CCR2: variants seen among roughly 807,000 people sequenced by gnomAD.
CCR2 encodes C-C motif chemokine receptor 2.
For synonymous variants in CCR2, 183 were observed against 177.1 expected (o/e 1.03, Z -0.27); for missense variants, 408 against 440.0 (o/e 0.93, Z 0.65).
In CCR2 at chr3:46,358,242, C is replaced by T. The variant is rs1701492408; in HGVS notation, c.715C>T (p.His239Tyr). Residue 239 changes from histidine (H) to tyrosine (Y), a missense_variant, in exon 2 of 2, where the codon CAT becomes TAT. Transcript: ENST00000445132. ...LLRCRNEKKR[H>Y]RAVRVIFTIM... is the part of the protein sequence containing the mutation. Reference sequence around the variant, plus strand: ...TCGGTGTCGAAACGAGAAGAAGAGGCATAGGGCAGTGAGAGTCATCTTCAC... The same window carrying T: ...TCGGTGTCGAAACGAGAAGAAGAGGTATAGGGCAGTGAGAGTCATCTTCAC... 1 of 1,614,164 alleles carries T rather than the reference C, an allele frequency of 6.2e-7. No individual in the cohort carries two copies. Among genetic ancestry groups the T allele is most frequent in the African/African-American group, 1.3e-5 (1 of 75,044 alleles).
chr3:46,356,370 G>A (rs1484169287), intron 1 of CCR2, among the ~76,000 whole-genome samples: 1 of 152,158 alleles, frequency 6.6e-6, no homozygotes, highest in Non-Finnish European at 1.5e-5. Flanking sequence ...TGGGCACGGG[G>A]AGGAGATGCC....
chr3:46,358,978 A>C lies in CCR2; in HGVS notation c.*368A>C, dbSNP rs1701503157. ...GTGAAGAAGAGAATGTGACAGGCAC[A>C]GATGAATGGGAGTGAGGGATAGTGG... On this transcript the variant is annotated 3_prime_UTR_variant, in exon 2 of 2. Transcript: ENST00000445132. The C allele has an allele frequency of 9.4e-7, 1 of 1,063,564 alleles. No individual in the cohort carries two copies. The highest frequency in any genetic ancestry group is 1.7e-5 in the African/African-American group (1 of 58,790). The allele number at this position is 1,063,564 out of a possible 1,614,324, so 65.9% of individuals were successfully genotyped here. A position where few individuals can be genotyped will look rare whatever the true frequency, so the allele number is the denominator to read the frequency against.
At chr3:46,356,411 C>G (rs1358868668) in intron 1 of CCR2, among the ~76,000 whole-genome samples, 1 of 152,128 alleles carries the variant, frequency 6.6e-6, no homozygotes, top group East Asian at 1.9e-4. Context: ...AGCGGTAGCA[C>G]AGCCCCTCCC....
Position 46,359,933 on chromosome 3 carries a change from TC to T in CCR2, c.*1324del. 6.9e-7 allele frequency: 1 copy of T among 1,440,072 alleles called. No individual in the cohort carries two copies. The highest frequency in any genetic ancestry group is 9.6e-7 in the Non-Finnish European group (1 of 1,045,124). 89.2% of individuals were successfully genotyped at this position (1,440,072 alleles called of 1,614,324 possible). Reference sequence around the variant, plus strand: ...ACAGATGTGTGATTCACAGTGTGAATCTTGGTGTCTACGTTACCAGGCAGGA... The same window carrying T: ...ACAGATGTGTGATTCACAGTGTGAATTTGGTGTCTACGTTACCAGGCAGGA... On this transcript the variant is annotated 3_prime_UTR_variant, in exon 2 of 2. Transcript: ENST00000445132.
Position 46,357,604 on chromosome 3 carries a change from A to G in CCR2, c.77A>G (p.Tyr26Cys). ...SGEEVTTFFDYDYGAPCHKFD... is the reference protein window; with the variant it reads ...SGEEVTTFFDCDYGAPCHKFD... The stretch of plus-strand genomic sequence containing the variant: ...GAAGAAGTCACCACCTTTTTTGATT[A>G]TGATTACGGTGCTCCCTGTCATAAA... Residue 26 changes from tyrosine to cysteine, a missense_variant, in exon 2 of 2, where the codon TAT becomes TGT. Transcript: ENST00000445132. 2.5e-6 allele frequency: 4 copies of G among 1,614,070 alleles called. No homozygotes were observed. Among genetic ancestry groups the G allele is most frequent in the Non-Finnish European group, 2.5e-6 (3 of 1,179,996 alleles).
In CCR2 at chr3:46,357,635, C is replaced by A. The variant is rs778812407; in HGVS notation, c.108C>A (p.Asp36Glu). The change falls in exon 2 of 2, where the codon GAC becomes GAA. Residue 36 changes from aspartate to glutamate, a missense_variant. Asp to Glu is a conservative substitution (Grantham distance 45, BLOSUM62 2). Transcript: ENST00000445132. ...YDYGAPCHKF[D>E]VKQIGAQLLP... ...ACGGTGCTCCCTGTCATAAATTTGA[C>A]GTGAAGCAAATTGGGGCCCAACTCC... The A allele has an allele frequency of 6.2e-7, 1 of 1,613,920 alleles. No homozygotes were observed. The highest frequency in any genetic ancestry group is 8.5e-7 in the Non-Finnish European group (1 of 1,179,986).
Position 46,359,978 on chromosome 3 carries a change from C to A in CCR2, c.*1368C>A, listed in dbSNP as rs1701523210. On this transcript the variant is annotated 3_prime_UTR_variant, in exon 2 of 2. Transcript: ENST00000445132. ...GGCAGGAAGGCTGAGAGGAGAGAGACTCCAGCTGGGTTGGAAAACAGTATT... is the reference window on the plus strand; with the variant it reads ...GGCAGGAAGGCTGAGAGGAGAGAGAATCCAGCTGGGTTGGAAAACAGTATT... 1.0e-6 allele frequency: 1 copy of A among 960,894 alleles called. No homozygotes were observed. Among genetic ancestry groups the A allele is most frequent in the Non-Finnish European group, 1.5e-6 (1 of 648,404 alleles). The allele number at this position is 960,894 out of a possible 1,614,324, so 59.5% of individuals were successfully genotyped here.
rs1048117503 is a variant in CCR2, at chr3:46,358,802, T to G, written c.*192T>G. 2.3e-5 allele frequency: 32 copies of G among 1,381,974 alleles called. No individual in the cohort carries two copies. The highest frequency in any genetic ancestry group is 2.9e-5 in the Non-Finnish European group (31 of 1,062,652). 85.6% of individuals were successfully genotyped at this position (1,381,974 alleles called of 1,614,324 possible). On this transcript the variant is annotated 3_prime_UTR_variant, in exon 2 of 2. Transcript: ENST00000445132. ...TGCTCAGGGAATAATCCAGAAAAAC[T>G]GTGGGTAGAGACTTTGACTCTCCAG...
Position 46,359,931 on chromosome 3 carries a change from A to T in CCR2, c.*1321A>T, listed in dbSNP as rs1460865880. ...TCACAGATGTGTGATTCACAGTGTG[A>T]ATCTTGGTGTCTACGTTACCAGGCA... On this transcript the variant is annotated 3_prime_UTR_variant, in exon 2 of 2. Transcript: ENST00000445132. 6.9e-7 allele frequency: 1 copy of T among 1,447,918 alleles called. No homozygotes were observed. The highest frequency in any genetic ancestry group is 9.5e-7 in the Non-Finnish European group (1 of 1,051,664). 89.7% of individuals were successfully genotyped at this position (1,447,918 alleles called of 1,614,324 possible).
In CCR2 at chr3:46,360,364, C is replaced by T. The variant is rs1446703301; in HGVS notation, c.*1754C>T. 6.5e-6 allele frequency: 1 copy of T among 153,624 alleles called. No individual in the cohort carries two copies. The highest frequency in any genetic ancestry group is 1.4e-5 in the Non-Finnish European group (1 of 69,074). The allele number at this position is 153,624 out of a possible 1,614,324, so 9.5% of individuals were successfully genotyped here. On this transcript the variant is annotated 3_prime_UTR_variant, in exon 2 of 2. Transcript: ENST00000445132. ...ATACGCTCCATCGCTGTCATCTCAG[C>T]TGGATCTCCATTCTCTCAGGCTTGC... is the stretch of plus-strand genomic sequence containing the variant.
Position 46,359,776 on chromosome 3 carries a change from A to G in CCR2, c.*1166A>G. On this transcript the variant is annotated 3_prime_UTR_variant, in exon 2 of 2. Transcript: ENST00000445132. ...CAGGAAAGAATGTGAAAGTGACTAC[A>G]CAAGGACTCCTCGATGGTCGTGGAA... The G allele has an allele frequency of 4.3e-6, 7 of 1,614,150 alleles. No homozygotes were observed. Among genetic ancestry groups the G allele is most frequent in the Non-Finnish European group, 5.9e-6 (7 of 1,180,008 alleles).
Position 46,357,608 on chromosome 3 carries a change from T to C in CCR2, c.81T>C (p.Asp27=). The change falls in exon 2 of 2, where the codon GAT becomes GAC. Residue 27 remains aspartate (D), a synonymous_variant. Coordinates refer to ENST00000445132, the MANE Select transcript of CCR2 (RefSeq NM_001123396.4). Reference sequence around the variant, plus strand: ...AAGTCACCACCTTTTTTGATTATGATTACGGTGCTCCCTGTCATAAATTTG... The same window carrying C: ...AAGTCACCACCTTTTTTGATTATGACTACGGTGCTCCCTGTCATAAATTTG... The part of the protein sequence containing the change: ...GEEVTTFFDY[D]YGAPCHKFDV... 6.2e-7 allele frequency: 1 copy of C among 1,614,104 alleles called. No individual in the cohort carries two copies. The highest frequency in any genetic ancestry group is 8.5e-7 in the Non-Finnish European group (1 of 1,179,988).
rs775750288 is a variant in CCR2 at position 46,358,393 on chromosome 3, T to C, written c.866T>C (p.Val289Ala). Residue 289 changes from valine to alanine, a missense_variant, in exon 2 of 2, where the codon GTG becomes GCG. By Grantham distance (64) the Val-to-Ala change is moderately conservative. Transcript: ENST00000445132. Reference protein sequence around the residue: ...STSQLDQATQVTETLGMTHCC... With the variant: ...STSQLDQATQATETLGMTHCC... ...AGTCAACTGGACCAAGCCACGCAGG[T>C]GACAGAGACTCTTGGGATGACTCAC... is the stretch of plus-strand genomic sequence containing the variant. 1 of 1,614,044 alleles carries C rather than the reference T, an allele frequency of 6.2e-7. No homozygotes were observed. The highest frequency in any genetic ancestry group is 1.1e-5 in the South Asian group (1 of 91,074).
chr3:46,360,703 A>G lies in CCR2; in HGVS notation c.*2093A>G, dbSNP rs745802485. ...AACACTGGGCTTCTAGAACCAGGCA[A>G]CTTGGGAACTAGACTCCCAAGCTGG... On this transcript the variant is annotated 3_prime_UTR_variant, in exon 2 of 2. Transcript: ENST00000445132. 1.3e-5 allele frequency: 2 copies of G among 152,222 alleles called. No individual in the cohort carries two copies. Among genetic ancestry groups the G allele is most frequent in the Non-Finnish European group, 2.9e-5 (2 of 68,046 alleles). The allele number at this position is 152,222 out of a possible 1,614,324, so 9.4% of individuals were successfully genotyped here.
At chr3:46,354,818 G>C (rs1481557522) in intron 1 of CCR2, 3 of 152,128 alleles carry the variant, frequency 2.0e-5, no homozygotes. Flanking sequence ...TGATTCTTTA[G>C]GCAGATGCAT....
At position 46,358,975 on chromosome 3, in the gene CCR2, C is replaced by T; in HGVS notation, c.*365C>T. The T allele has an allele frequency of 9.4e-7, 1 of 1,063,168 alleles. No homozygotes were observed. The highest frequency in any genetic ancestry group is 1.2e-6 in the Non-Finnish European group (1 of 868,120). The allele number at this position is 1,063,168 out of a possible 1,614,324, so 65.9% of individuals were successfully genotyped here. On this transcript the variant is annotated 3_prime_UTR_variant, in exon 2 of 2. Transcript: ENST00000445132. ...GAGGTGAAGAAGAGAATGTGACAGG[C>T]ACAGATGAATGGGAGTGAGGGATAG...
In CCR2 at chr3:46,359,351, A is replaced by G. The variant is rs1701509857; in HGVS notation, c.*741A>G. On this transcript the variant is annotated 3_prime_UTR_variant, in exon 2 of 2. Coordinates refer to ENST00000445132, the MANE Select transcript of CCR2 (RefSeq NM_001123396.4). Reference sequence around the variant, plus strand: ...TTAGGCCACATCCCCCTGTCTAAAAATTCAGAAAATTTTTGTTTATAAAAG... The same window carrying G: ...TTAGGCCACATCCCCCTGTCTAAAAGTTCAGAAAATTTTTGTTTATAAAAG... The G allele has an allele frequency of 1.2e-5, 13 of 1,044,428 alleles. No homozygotes were observed. Among genetic ancestry groups the G allele is most frequent in the Non-Finnish European group, 1.5e-5 (13 of 862,150 alleles). The allele number at this position is 1,044,428 out of a possible 1,614,324, so 64.7% of individuals were successfully genotyped here.
intron 1 of CCR2, among the ~76,000 whole-genome samples, chr3:46,355,289 G>A (rs1366103808): frequency 6.6e-6 from 1 of 152,114 alleles, no homozygotes; most frequent in East Asian, 1.9e-4. Flanking sequence ...GTATTGAAGG[G>A]TGAATAGAAG....
Position 46,358,675 on chromosome 3 carries a change from C to T in CCR2, c.*65C>T. ...ACAATCTGTATATAACAACAAACTT[C>T]AAGGGTTTGTTGAACAATAGAAACC... On this transcript the variant is annotated 3_prime_UTR_variant, in exon 2 of 2. Coordinates refer to ENST00000445132, the MANE Select transcript of CCR2 (RefSeq NM_001123396.4). The T allele has an allele frequency of 2.0e-6, 3 of 1,499,836 alleles. No individual in the cohort carries two copies. The highest frequency in any genetic ancestry group is 1.4e-5 in the South Asian group (1 of 73,860). The allele number at this position is 1,499,836 out of a possible 1,614,324, so 92.9% of individuals were successfully genotyped here.
Sources: gnomAD v4.1 joint callset for allele counts (sites outside exome capture counted in the v4.1 genomes callset) on GRCh38, gnomAD v4.1.1 for gene constraint, MANE v1.5 for transcripts, NCBI Gene and HGNC (gene_info 2026-07-23, HGNC 2026-07-21) for gene names.